Variants in ALDH1L1 observed in about 807,000 individuals in gnomAD.
ALDH1L1 encodes the protein aldehyde dehydrogenase 1 family member L1, also known as cytosolic 10-formyltetrahydrofolate dehydrogenase.
A neutral mutation model predicts 101.1 loss-of-function variants in ALDH1L1; 68 were observed. The ratio of observed to expected loss-of-function variants is 0.67; its 90% CI spans 0.55 to 0.82. The LOEUF is 0.82. Among genes scored for constraint, ALDH1L1 ranks in the 40% least tolerant of loss-of-function variants. The probability of loss-of-function intolerance (pLI) is 0.00; values close to 1 mark genes in which losing one functional copy is unlikely to be tolerated. For synonymous variants in ALDH1L1, 486 were observed against 470.8 expected, an observed-to-expected ratio of 1.03 and a Z score of -0.42; for missense variants, 1,087 against 1,172.7, an observed-to-expected ratio of 0.93 and a Z score of 1.07.
chr3:126,109,287 G>T (rs769273640), intron 20 of ALDH1L1, among the ~76,000 whole-genome samples: 1 of 152,202 alleles, frequency 6.6e-6, no homozygotes, highest in South Asian at 2.1e-4. Flanking sequence ...TGGCTGCTGC[G>T]CTTCTGGCCT....
In ALDH1L1 at chr3:126,114,544, GC is replaced by G. The variant is rs769471487; in HGVS notation, c.2082+12del. On this transcript the variant is annotated intron_variant, in intron 18 of 22. Transcript: ENST00000393434. ...CGCTCACTGTCCCTGCCCCCTCCAG[GC>G]CCGGCCCTCACCATCTGCACAGCCT... 1 of 1,488,728 alleles carries G rather than the reference GC, an allele frequency of 6.7e-7. No individual in the cohort carries two copies. Among genetic ancestry groups the G allele is most frequent in the Non-Finnish European group, 8.9e-7 (1 of 1,118,974 alleles). The allele number at this position is 1,488,728 out of a possible 1,614,324, so 92.2% of individuals were successfully genotyped here.
intron 1 of ALDH1L1, among the ~76,000 whole-genome samples, chr3:126,196,319 G>C (rs1311862320): frequency 6.6e-6 from 1 of 151,186 alleles, no homozygotes; most frequent in African/African-American, 2.4e-5. Flanking sequence ...AAAGAACAGA[G>C]CCTTAGATTT....
At chr3:126,133,462 T>A (rs912117966) in intron 12 of ALDH1L1, among the ~76,000 whole-genome samples, 1 of 152,192 alleles carries the variant, frequency 6.6e-6, no homozygotes, top group African/African-American at 2.4e-5. Context: ...TTCTCCTTCA[T>A]CAGCCCCAAT....
At chr3:126,151,154 T>C (rs1307159117) in intron 7 of ALDH1L1, 2 of 152,100 alleles carry the variant, frequency 1.3e-5, no homozygotes, top group African/African-American at 4.8e-5. Context: ...AAAGGATTCC[T>C]ACTGAACAAA....
Position 126,154,586 on chromosome 3 carries a change from C to A in ALDH1L1, c.688G>T (p.Val230Leu). 1 of 1,614,198 alleles carries A rather than the reference C, an allele frequency of 6.2e-7. No individual in the cohort carries two copies. Among genetic ancestry groups the A allele is most frequent in the Non-Finnish European group, 8.5e-7 (1 of 1,180,034 alleles). ...CAGGCCTCTGTCCAGGCTCCCGGCA[C>A]CTTGTCGTTCCCGCGGATCCAGTTG... ...IHNWIRGNDK[V>L]PGAWTEACEQ... is the part of the protein sequence containing the mutation. Residue 230 changes from valine (V) to leucine (L), a missense_variant, in exon 6 of 23, where the codon GTG (valine) becomes TTG (leucine). Transcript: ENST00000393434.
chr3:126,170,962 G>A (rs1002628470), intron 1 of ALDH1L1, among the ~76,000 whole-genome samples: 18 of 152,158 alleles, frequency 1.2e-4, no homozygotes, highest in African/African-American at 4.1e-4. Context: ...TAAGGAACAA[G>A]CACATTCCCT....
rs1384010234 is a variant in ALDH1L1 at position 126,105,718 on chromosome 3, T to C, written c.2653+8A>G. On this transcript the variant is annotated splice_region_variant and intron_variant, in intron 22 of 22. Coordinates refer to ENST00000393434, the MANE Select transcript of ALDH1L1 (RefSeq NM_012190.4). ...ATGAAAGCAACCCCACAGGCAGGAG[T>C]AGGTTACCTAGATCTTTGCCAAATC... is the stretch of plus-strand genomic sequence containing the variant. The C allele has an allele frequency of 6.2e-7, 1 of 1,613,694 alleles. No individual in the cohort carries two copies. The highest frequency in any genetic ancestry group is 2.2e-5 in the East Asian group (1 of 44,846).
intron 18 of ALDH1L1, among the ~76,000 whole-genome samples, 167 bp downstream of exon 18, chr3:126,114,390 A>G (rs1946170478): frequency 6.6e-6 from 1 of 152,170 alleles, no homozygotes. Context: ...GGCACACGTC[A>G]TTCTTCCCTA....
rs1046381097 is a variant in ALDH1L1, at chr3:126,103,696, C to A, written c.*95G>T. 24 of 1,363,796 alleles carry A rather than the reference C, an allele frequency of 1.8e-5. No individual in the cohort carries two copies. The highest frequency in any genetic ancestry group is 1.9e-5 in the Non-Finnish European group (19 of 975,730). 84.5% of individuals were successfully genotyped at this position (1,363,796 alleles called of 1,614,324 possible). On this transcript the variant is annotated 3_prime_UTR_variant, in exon 23 of 23. Transcript: ENST00000393434. ...GCAGGCAGGAGGGCTTCCACTAGCC[C>A]CCCAGGTGGGAGGTGCTGTGCACCC... is the stretch of plus-strand genomic sequence containing the variant.
intron 7 of ALDH1L1, 32 bp downstream of exon 7, chr3:126,153,412 A>C: frequency 6.2e-7 from 1 of 1,611,136 alleles, no homozygotes; most frequent in Non-Finnish European, 8.5e-7. Context: ...GGTGGCTTTG[A>C]GCAGGCAAGT....
At chr3:126,129,800 C>T (rs1868127) in intron 14 of ALDH1L1, 65,881 of 152,944 alleles carry the variant, frequency 0.43, 14,579 homozygotes, top group Middle Eastern at 0.51. Context: ...AGGTGCCTCA[C>T]GCCAGGTTCA....
chr3:126,114,493 C>T, intron 18 of ALDH1L1, 64 bp downstream of exon 18: 1 of 1,322,364 alleles, frequency 7.6e-7, no homozygotes, highest in Non-Finnish European at 1.0e-6. Context: ...GAGACAGGGC[C>T]TCCTGGTCCC....
At chr3:126,133,367 A>C (rs953579214) in intron 12 of ALDH1L1, among the ~76,000 whole-genome samples, 13 of 152,190 alleles carry the variant, frequency 8.5e-5, no homozygotes, top group African/African-American at 2.7e-4. Flanking sequence ...GCCTTGGGAC[A>C]GTCTCACTGC....
intron 2 of ALDH1L1, among the ~76,000 whole-genome samples, chr3:126,159,055 G>T (rs780477710): frequency 2.0e-5 from 3 of 152,242 alleles, no homozygotes; most frequent in Non-Finnish European, 4.4e-5. Flanking sequence ...AGAAGGGGAA[G>T]AAGGGCAACA....
At chr3:126,124,606 A>G (rs2080143811) in intron 15 of ALDH1L1, among the ~76,000 whole-genome samples, 155 bp from the exon 16 acceptor site, 1 of 152,018 alleles carries the variant, frequency 6.6e-6, no homozygotes, top group African/African-American at 2.4e-5. Flanking sequence ...AAGCCACCAG[A>G]GGGGGCCCTG....
chr3:126,141,888 A>C (rs6795418), intron 9 of ALDH1L1, among the ~76,000 whole-genome samples: 1 of 151,910 alleles, frequency 6.6e-6, no homozygotes, highest in African/African-American at 2.4e-5. Flanking sequence ...CAGAAAAAAA[A>C]ACAGCAAATC....
chr3:126,105,466 A>G, intron 22 of ALDH1L1: 1 of 502,598 alleles, frequency 2.0e-6, no homozygotes, highest in East Asian at 3.9e-5. Flanking sequence ...CCACCACACC[A>G]GAGAGGCCCC....
intron 14 of ALDH1L1, among the ~76,000 whole-genome samples, chr3:126,126,138 A>G (rs9823952): frequency 0.071 from 10,814 of 152,140 alleles, 1,121 homozygotes; most frequent in African/African-American, 0.23. Flanking sequence ...CCAGGTGTCA[A>G]TCCTCAAGAA....
chr3:126,195,826 G>A (rs1477255260), intron 1 of ALDH1L1, among the ~76,000 whole-genome samples: 2 of 152,174 alleles, frequency 1.3e-5, no homozygotes, highest in African/African-American at 2.4e-5. Context: ...CATGGATGAA[G>A]CTGGAAACCA....
Sources: allele counts gnomAD v4.1 joint callset (sites outside exome capture counted in the v4.1 genomes callset), GRCh38; gene constraint gnomAD v4.1.1; transcripts MANE v1.5; gene names NCBI Gene and HGNC (gene_info 2026-07-23, HGNC 2026-07-21).